The following KIAA1328 variants were observed in gnomAD, a reference collection of about 807,000 sequenced individuals.
KIAA1328 encodes protein hinderin.
Under a neutral mutation model 68.1 loss-of-function variants are expected in KIAA1328, and 52 were observed. The ratio of observed to expected loss-of-function variants is 0.76; its 90% CI spans 0.61 to 0.96. KIAA1328 has a LOEUF of 0.96. KIAA1328 is among the 40% of genes least tolerant of loss of function. The pLI is 0.00. For missense variants in KIAA1328, 641 were observed against 677.6 expected, an observed-to-expected ratio of 0.95 and a Z score of 0.60; for synonymous variants, 232 against 239.4, an observed-to-expected ratio of 0.97 and a Z score of 0.28.
intron 6 of KIAA1328, among the ~76,000 whole-genome samples, chr18:37,041,752 C>T (rs926480063): frequency 6.6e-6 from 1 of 151,666 alleles, no homozygotes; most frequent in East Asian, 1.9e-4. Context: ...TTAGGGATTG[C>T]AATATGCTTC....
chr18:37,163,089 A>T (rs1467489278), intron 8 of KIAA1328, among the ~76,000 whole-genome samples: 3 of 152,204 alleles, frequency 2.0e-5, no homozygotes, highest in Admixed American at 2.0e-4. Flanking sequence ...AAATCTGGAA[A>T]CACCTGATTT....
intron 7 of KIAA1328, among the ~76,000 whole-genome samples, chr18:37,159,044 T>C (rs1365091595): frequency 6.6e-6 from 1 of 152,108 alleles, no homozygotes; most frequent in Non-Finnish European, 1.5e-5. Context: ...CTCTGTGTTC[T>C]GATTTAAAAA....
chr18:36,877,584 G>A (rs966084433), intron 4 of KIAA1328, among the ~76,000 whole-genome samples: 6 of 134,938 alleles, frequency 4.4e-5, no homozygotes, highest in Non-Finnish European at 6.2e-5. Flanking sequence ...GAGCCTATGT[G>A]TCTTTGCACA....
In KIAA1328 at chr18:37,076,533, A is replaced by T. The variant is rs528354535; in HGVS notation, c.1232+8988A>T. ...ACACAAAAAACCCTTCAAAAAATTA[A>T]TGAATCCAGGAGCTGGTTTTTTGAA... On this transcript the variant is annotated intron_variant, in intron 7 of 9. Transcript: ENST00000280020. 8.4e-4 allele frequency among the ~76,000 whole-genome samples: 127 copies of T among 152,020 alleles called. 1 individual carries two copies. The highest frequency in any genetic ancestry group is 2.8e-3 in the African/African-American group (116 of 41,540).
At chr18:37,063,816 A>G (rs1223319178) in intron 6 of KIAA1328, among the ~76,000 whole-genome samples, 1 of 152,202 alleles carries the variant, frequency 6.6e-6, no homozygotes, top group Non-Finnish European at 1.5e-5. Flanking sequence ...AGTACCTAAA[A>G]ATGGACATAT....
chr18:36,940,304 C>G (rs1200781688), intron 5 of KIAA1328, among the ~76,000 whole-genome samples: 1 of 152,152 alleles, frequency 6.6e-6, no homozygotes, highest in Non-Finnish European at 1.5e-5. Flanking sequence ...ATCTAGAGTG[C>G]GGCTCAGGAT....
chr18:37,062,648 G>A (rs977968786), intron 6 of KIAA1328, among the ~76,000 whole-genome samples: 2 of 151,914 alleles, frequency 1.3e-5, no homozygotes, highest in Non-Finnish European at 2.9e-5. Context: ...GTAGAGACAG[G>A]GTTTCACCGT....
chr18:37,119,398 C>T (rs188098334), intron 7 of KIAA1328, among the ~76,000 whole-genome samples: 19 of 152,158 alleles, frequency 1.2e-4, no homozygotes, highest in Non-Finnish European at 2.4e-4. Flanking sequence ...TCAAACAACC[C>T]GAAATTTATT....
chr18:36,876,606 TAA>T (rs1362785704), intron 4 of KIAA1328, among the ~76,000 whole-genome samples: 1 of 152,186 alleles, frequency 6.6e-6, no homozygotes, highest in African/African-American at 2.4e-5. Flanking sequence ...TCTATTTTGT[TAA>T]TCTTTTCAAA....
intron 4 of KIAA1328, among the ~76,000 whole-genome samples, chr18:36,867,210 C>G (rs748882759): frequency 1.3e-5 from 2 of 152,232 alleles, no homozygotes; most frequent in South Asian, 2.1e-4. Context: ...AGTGAGTTCA[C>G]TGTTCTCACT....
At chr18:36,875,901 C>T (rs1358562918) in intron 4 of KIAA1328, among the ~76,000 whole-genome samples, 1 of 151,698 alleles carries the variant, frequency 6.6e-6, no homozygotes, top group African/African-American at 2.4e-5. Context: ...TTATCGAAGG[C>T]CTTTTCTGCA....
At chr18:36,978,329 C>G (rs1389023759) in intron 6 of KIAA1328, among the ~76,000 whole-genome samples, 4 of 152,144 alleles carry the variant, frequency 2.6e-5, no homozygotes, top group African/African-American at 4.8e-5. Context: ...TCCAGACTCC[C>G]AGAGGGAAAA....
At chr18:37,173,639 G>A (rs899839225) in intron 9 of KIAA1328, among the ~76,000 whole-genome samples, 2 of 152,148 alleles carry the variant, frequency 1.3e-5, no homozygotes, top group Non-Finnish European at 2.9e-5. Flanking sequence ...CTTGGTTTAT[G>A]TTTCTTCAGG....
At chr18:37,097,408 G>C (rs1365761902) in intron 7 of KIAA1328, among the ~76,000 whole-genome samples, 3 of 152,026 alleles carry the variant, frequency 2.0e-5, no homozygotes, top group Non-Finnish European at 4.4e-5. Context: ...ATTTCTGAGG[G>C]CTCTGTTCTG....
intron 5 of KIAA1328, among the ~76,000 whole-genome samples, chr18:36,910,662 A>G (rs958532959): frequency 6.6e-6 from 1 of 152,134 alleles, no homozygotes; most frequent in African/African-American, 2.4e-5. Context: ...CTGTGAAGAA[A>G]GTAATTGGTA....
intron 6 of KIAA1328, among the ~76,000 whole-genome samples, chr18:36,973,830 TACAC>T (rs111392122): frequency 3.7e-4 from 54 of 147,382 alleles, no homozygotes; most frequent in African/African-American, 1.3e-3. Flanking sequence ...CACACACACA[TACAC>T]ACACACACAC....
intron 6 of KIAA1328, among the ~76,000 whole-genome samples, chr18:36,967,554 G>A (rs1426144877): frequency 6.6e-6 from 1 of 152,194 alleles, no homozygotes; most frequent in African/African-American, 2.4e-5. Context: ...TGGAAAAATA[G>A]AGGAAGAATA....
intron 5 of KIAA1328, among the ~76,000 whole-genome samples, chr18:36,957,527 G>A (rs997796980): frequency 6.6e-6 from 1 of 152,152 alleles, no homozygotes; most frequent in African/African-American, 2.4e-5. Context: ...ATTTTTAGGA[G>A]TTGTGAGAGA....
intron 9 of KIAA1328, among the ~76,000 whole-genome samples, chr18:37,178,424 T>C (rs1244225895): frequency 1.3e-5 from 2 of 152,218 alleles, no homozygotes; most frequent in Admixed American, 1.3e-4. Flanking sequence ...GATTTCATTC[T>C]TATTTATGGC....
Sources: gnomAD v4.1 joint callset for allele counts (sites outside exome capture counted in the v4.1 genomes callset) on GRCh38, gnomAD v4.1.1 for gene constraint, MANE v1.5 for transcripts, NCBI Gene and HGNC (gene_info 2026-07-23, HGNC 2026-07-21) for gene names.